GRM7: variants seen among roughly 807,000 people sequenced by gnomAD.
GRM7 encodes the protein metabotropic glutamate receptor 7.
GRM7 carries 35 observed loss-of-function variants against 84.5 expected under a neutral mutation model. That is an observed-to-expected ratio of 0.41 (90% CI 0.32 to 0.55). GRM7 has a LOEUF of 0.55. Among genes scored for constraint, GRM7 ranks in the 20% least tolerant of loss-of-function variants. The pLI, the probability that GRM7 is intolerant of heterozygous loss-of-function variation, is 0.19. For missense variants in GRM7, 1,003 were observed against 1,194.6 expected, an observed-to-expected ratio of 0.84 and a Z score of 2.36; for synonymous variants, 487 against 455.1, an observed-to-expected ratio of 1.07 and a Z score of -0.89.
At chr3:6,871,441 T>C (rs1182011106) in intron 1 of GRM7, among the ~76,000 whole-genome samples, 1 of 151,864 alleles carries the variant, frequency 6.6e-6, no homozygotes, top group Non-Finnish European at 1.5e-5. Context: ...AAGAAAAAAA[T>C]AAGGGGCTTA....
chr3:7,397,628 A>G (rs1695264861), intron 4 of GRM7, among the ~76,000 whole-genome samples: 1 of 152,184 alleles, frequency 6.6e-6, no homozygotes, highest in South Asian at 2.1e-4. Context: ...TAATTTGATC[A>G]TTGCACATTG....
Position 7,255,488 on chromosome 3 carries a change from G to A in GRM7, c.737-43196G>A, listed in dbSNP as rs188002257. 2.1e-3 allele frequency among the ~76,000 whole-genome samples: 315 copies of A among 152,302 alleles called. 6 individuals are homozygous for A. The highest frequency in any genetic ancestry group is 0.017 in the Admixed American group (259 of 15,302). Reference sequence around the variant, plus strand: ...AATCCAAACACGACTTTGAATTAAAGCTGATGTGTTACAAAAGACTGCTCA... The same window carrying A: ...AATCCAAACACGACTTTGAATTAAAACTGATGTGTTACAAAAGACTGCTCA... On this transcript the variant is annotated intron_variant, in intron 2 of 9. Coordinates refer to ENST00000357716, the MANE Select transcript of GRM7 (RefSeq NM_000844.4).
chr3:7,497,333 G>A (rs1021758595), intron 7 of GRM7, among the ~76,000 whole-genome samples: 2 of 152,140 alleles, frequency 1.3e-5, no homozygotes, highest in South Asian at 2.1e-4. Context: ...AAGTGGCAAC[G>A]TTTCCCATGG....
chr3:7,687,243 G>A (rs776669800), intron 9 of GRM7, among the ~76,000 whole-genome samples: 3 of 152,180 alleles, frequency 2.0e-5, no homozygotes, highest in African/African-American at 7.2e-5. Context: ...GATGTATTGT[G>A]TGATGTGTGA....
intron 1 of GRM7, among the ~76,000 whole-genome samples, chr3:7,032,866 C>A (rs918302005): frequency 6.6e-6 from 1 of 152,176 alleles, no homozygotes; most frequent in East Asian, 1.9e-4. Context: ...AGAATTTAGA[C>A]TTCTGACCTC....
rs1305357648 is a variant in GRM7 at position 7,572,875 on chromosome 3, T to TATATAA, written c.1516-5543_1516-5538dup. Among the ~76,000 whole-genome samples, 6 of 66,424 alleles carry TATATAA rather than the reference T, an allele frequency of 9.0e-5. 1 individual carries two copies. The highest frequency in any genetic ancestry group is 3.5e-4 in the African/African-American group (6 of 17,094). 43.6% of individuals were successfully genotyped at this position (66,424 alleles called of 152,430 possible). On this transcript the variant is annotated intron_variant, in intron 7 of 9. Coordinates refer to ENST00000357716, the MANE Select transcript of GRM7 (RefSeq NM_000844.4). ...ATATATATATATATATATATATATA[T>TATATAA]ATATAAATAATCTTTCTACCTATAA...
intron 1 of GRM7, among the ~76,000 whole-genome samples, chr3:6,930,607 A>G (rs1283469849): frequency 6.6e-6 from 1 of 152,066 alleles, no homozygotes; most frequent in Non-Finnish European, 1.5e-5. Context: ...AGACCTAAAT[A>G]TATGGTTCAC....
chr3:7,337,022 C>T (rs1044245941), intron 4 of GRM7, among the ~76,000 whole-genome samples: 3 of 152,008 alleles, frequency 2.0e-5, no homozygotes, highest in East Asian at 1.9e-4. Flanking sequence ...CATCATCATT[C>T]TTCACAGAAC....
intron 8 of GRM7, among the ~76,000 whole-genome samples, chr3:7,661,884 C>G (rs1699472214): frequency 6.7e-6 from 1 of 149,224 alleles, no homozygotes; most frequent in South Asian, 2.1e-4. Flanking sequence ...CAGCATATAC[C>G]TACCACATGA....
At chr3:7,141,397 G>A (rs1693939556) in intron 1 of GRM7, among the ~76,000 whole-genome samples, 1 of 151,852 alleles carries the variant, frequency 6.6e-6, no homozygotes, top group African/African-American at 2.4e-5. Flanking sequence ...AGGTTTACAT[G>A]GAGACAATTA....
At chr3:7,613,310 T>C (rs1469688658) in intron 8 of GRM7, among the ~76,000 whole-genome samples, 1 of 152,200 alleles carries the variant, frequency 6.6e-6, no homozygotes, top group Non-Finnish European at 1.5e-5. Flanking sequence ...AGATAGGATT[T>C]AGTCTATGCA....
At chr3:7,425,743 ATAGT>A (rs1026883947) in intron 5 of GRM7, among the ~76,000 whole-genome samples, 4 of 152,224 alleles carry the variant, frequency 2.6e-5, no homozygotes, top group African/African-American at 9.6e-5. Flanking sequence ...TTTATAATAA[ATAGT>A]TACATTTTAA....
At chr3:6,969,567 A>G (rs1257785978) in intron 1 of GRM7, among the ~76,000 whole-genome samples, 2 of 152,184 alleles carry the variant, frequency 1.3e-5, no homozygotes, top group African/African-American at 4.8e-5. Flanking sequence ...CAGGTTCCAA[A>G]ATCTGTGTTT....
chr3:7,132,708 A>G (rs572764443), intron 1 of GRM7, among the ~76,000 whole-genome samples: 1 of 152,216 alleles, frequency 6.6e-6, no homozygotes, highest in African/African-American at 2.4e-5. Flanking sequence ...ATTTAATTTC[A>G]CCTTCTGAAA....
chr3:7,287,435 A>C (rs1325437427), intron 2 of GRM7, among the ~76,000 whole-genome samples: 1 of 152,148 alleles, frequency 6.6e-6, no homozygotes, highest in African/African-American at 2.4e-5. Flanking sequence ...TATTGTTAAC[A>C]ACTCAGTCGA....
At chr3:7,737,841 CAAT>C (rs1489125175) in intron 9 of GRM7, among the ~76,000 whole-genome samples, 2 of 149,334 alleles carry the variant, frequency 1.3e-5, no homozygotes, top group Non-Finnish European at 3.0e-5. Flanking sequence ...ATTATTCTCC[CAAT>C]TTTTTTTTTT....
intron 1 of GRM7, among the ~76,000 whole-genome samples, chr3:7,084,598 T>C (rs547409214): frequency 1.3e-5 from 2 of 152,238 alleles, no homozygotes; most frequent in African/African-American, 4.8e-5. Context: ...GAGAAGATCC[T>C]GGGAGGAGCT....
At chr3:7,292,392 A>G (rs1159208296) in intron 2 of GRM7, among the ~76,000 whole-genome samples, 1 of 152,190 alleles carries the variant, frequency 6.6e-6, no homozygotes, top group Non-Finnish European at 1.5e-5. Context: ...ACAGATAACT[A>G]TCTTGTCATT....
intron 4 of GRM7, among the ~76,000 whole-genome samples, chr3:7,390,077 T>C (rs1694932331): frequency 6.6e-6 from 1 of 152,158 alleles, no homozygotes; most frequent in African/African-American, 2.4e-5. Flanking sequence ...AGTGATTGCT[T>C]GTCTGGGAAA....
Sources: gnomAD v4.1 joint callset for allele counts (sites outside exome capture counted in the v4.1 genomes callset) on GRCh38, gnomAD v4.1.1 for gene constraint, MANE v1.5 for transcripts, NCBI Gene and HGNC (gene_info 2026-07-23, HGNC 2026-07-21) for gene names.